The following CACNA1B variants were observed in gnomAD, a reference collection of about 807,000 sequenced individuals.
The protein encoded by CACNA1B is voltage-dependent N-type calcium channel subunit alpha-1B.
In CACNA1B, 70 loss-of-function variants were observed where a neutral mutation model predicts 247.2. The observed-to-expected ratio is 0.28, with a 90% CI of 0.23 to 0.35. The LOEUF (loss-of-function observed/expected upper bound fraction) is 0.35. CACNA1B is among the 10% of genes least tolerant of loss of function. The pLI is 1.00. For synonymous variants in CACNA1B, 1,231 were observed against 1,294.4 expected (o/e 0.95, Z 1.05); for missense variants, 2,367 against 3,197.4 (o/e 0.74, Z 6.26).
chr9:138,012,609 G>A lies in CACNA1B; in HGVS notation c.2161-520G>A, dbSNP rs1470456646. On this transcript the variant is annotated intron_variant, in intron 17 of 46. Coordinates refer to ENST00000371372, the MANE Select transcript of CACNA1B (RefSeq NM_000718.4). This position sits in a 1 kb window ranked among gnomAD's most constrained non-coding sequence, Gnocchi z 4.2. ...CGTGCTTGGAGTCCCAGCTGCATGG[G>A]AGGCTGAGGTTAGAGGATCACTTAA... 6.6e-6 allele frequency among the ~76,000 whole-genome samples: 1 copy of A among 151,994 alleles called. No individual in the cohort carries two copies. The highest frequency in any genetic ancestry group is 1.5e-5 in the Non-Finnish European group (1 of 67,996).
In CACNA1B at chr9:138,059,870, C is replaced by T. The variant is rs1959662638; in HGVS notation, c.4668+133C>T. ...GCAGAACCCCCTGGACATGTGGAGG[C>T]TTCGCTCCAGGGGTGGAGTTTAGGG... is the stretch of plus-strand genomic sequence containing the variant. On this transcript the variant is annotated intron_variant, in intron 31 of 46. Coordinates refer to ENST00000371372, the MANE Select transcript of CACNA1B (RefSeq NM_000718.4). The surrounding 1 kb of genome is among the most constrained non-coding windows in gnomAD (Gnocchi z 4.2). The T allele has an allele frequency of 3.1e-6, 2 of 646,110 alleles. No homozygotes were observed. Among genetic ancestry groups the T allele is most frequent in the Non-Finnish European group, 5.6e-6 (2 of 356,244 alleles). 40.0% of individuals were successfully genotyped at this position (646,110 alleles called of 1,614,324 possible). A position where few individuals can be genotyped will look rare whatever the true frequency, so the allele number is the denominator to read the frequency against.
chr9:137,909,227 T>A (rs1957333737), intron 3 of CACNA1B, among the ~76,000 whole-genome samples: 1 of 152,138 alleles, frequency 6.6e-6, no homozygotes, highest in Admixed American at 6.5e-5. Context: ...TGACCTTAGG[T>A]GATCCACCTG....
intron 36 of CACNA1B, among the ~76,000 whole-genome samples, 176 bp from the exon 37 acceptor site, chr9:138,096,308 G>C (rs978118997): frequency 6.6e-6 from 1 of 152,058 alleles, no homozygotes; most frequent in Non-Finnish European, 1.5e-5. Context: ...CCAGAACCCC[G>C]TGAAGGCAGG....
Position 137,914,543 on chromosome 9 carries a change from T to C in CACNA1B, c.623-111T>C. ...CTTTGCCCTTGCAAGCACTCACTGC[T>C]TAGCACCTTGCTGTCCCTGCTAGGT... is the stretch of plus-strand genomic sequence containing the variant. On this transcript the variant is annotated intron_variant, in intron 4 of 46. Transcript: ENST00000371372. The surrounding 1 kb of genome is among the most constrained non-coding windows in gnomAD (Gnocchi z 4.3). The C allele has an allele frequency of 1.1e-6, 1 of 875,802 alleles. No individual in the cohort carries two copies. The highest frequency in any genetic ancestry group is 2.3e-5 in the Admixed American group (1 of 44,282). 54.3% of individuals were successfully genotyped at this position (875,802 alleles called of 1,614,324 possible). A position where few individuals can be genotyped will look rare whatever the true frequency, so the allele number is the denominator to read the frequency against.
chr9:138,057,713 C>A lies in CACNA1B; in HGVS notation c.3969-19C>A. 1 of 1,597,846 alleles carries A rather than the reference C, an allele frequency of 6.3e-7. No individual in the cohort carries two copies. Among genetic ancestry groups the A allele is most frequent in the Non-Finnish European group, 8.6e-7 (1 of 1,167,204 alleles). ...ATCTTTTGTCTTTGCCCTCTAACCTCCCATGTTCTCATTCCTAGGGGTCAG... is the reference window on the plus strand; with the variant it reads ...ATCTTTTGTCTTTGCCCTCTAACCTACCATGTTCTCATTCCTAGGGGTCAG... On this transcript the variant is annotated intron_variant, in intron 26 of 46. Coordinates refer to ENST00000371372, the MANE Select transcript of CACNA1B (RefSeq NM_000718.4). The surrounding 1 kb of genome is among the most constrained non-coding windows in gnomAD (Gnocchi z 4.0).
chr9:137,970,751 G>A (rs1038968421), intron 10 of CACNA1B, among the ~76,000 whole-genome samples: 5 of 152,220 alleles, frequency 3.3e-5, no homozygotes, highest in Admixed American at 1.3e-4. Flanking sequence ...ACTGGTGTGC[G>A]TGGACATGGG....
rs561393409 is a variant in CACNA1B, at chr9:138,039,636, T to C, written c.3287-4138T>C. Among the ~76,000 whole-genome samples, 5 of 152,322 alleles carry C rather than the reference T, an allele frequency of 3.3e-5. No individual in the cohort carries two copies. The South Asian group carries it at 1.0e-3, about 32-fold the overall frequency. On this transcript the variant is annotated intron_variant, in intron 20 of 46. Coordinates refer to ENST00000371372, the MANE Select transcript of CACNA1B (RefSeq NM_000718.4). ...TTTTAATTAATCTGTTTGTTTCTGG[T>C]TTCTGCCTTAATTTCTAACTTAAGT...
chr9:138,030,127 G>A (rs1252269471), intron 20 of CACNA1B, among the ~76,000 whole-genome samples: 1 of 152,122 alleles, frequency 6.6e-6, no homozygotes, highest in Non-Finnish European at 1.5e-5. Context: ...AATAGCTGTG[G>A]CAAGAACTGA....
intron 10 of CACNA1B, among the ~76,000 whole-genome samples, chr9:137,970,233 A>T (rs1958130376): frequency 1.3e-5 from 2 of 152,166 alleles, no homozygotes; most frequent in African/African-American, 4.8e-5. Flanking sequence ...CAGGTATTCA[A>T]AGCCCACTGA....
At chr9:137,939,626 C>T (rs920992028) in intron 6 of CACNA1B, among the ~76,000 whole-genome samples, 9 of 151,440 alleles carry the variant, frequency 5.9e-5, no homozygotes, top group South Asian at 4.2e-4. Context: ...GGTGAAACCC[C>T]GTCTCTACCA....
At chr9:137,923,536 C>T (rs1240518077) in intron 6 of CACNA1B, among the ~76,000 whole-genome samples, 2 of 152,170 alleles carry the variant, frequency 1.3e-5, no homozygotes, top group African/African-American at 2.4e-5. Context: ...GGTAGTATTC[C>T]GTGCTATGGC....
Position 138,117,321 on chromosome 9 carries a change from C to CA in CACNA1B, c.5778-623dup, listed in dbSNP as rs1165150507. On this transcript the variant is annotated intron_variant, in intron 42 of 46. Coordinates refer to ENST00000371372, the MANE Select transcript of CACNA1B (RefSeq NM_000718.4). ...CAGAGAAGTAAGGAGGAGCCACCAG[C>CA]AAGGGACCCCTGAGGGAGGAAGCCC... is the stretch of plus-strand genomic sequence containing the variant. Among the ~76,000 whole-genome samples, 4 of 152,084 alleles carry CA rather than the reference C, an allele frequency of 2.6e-5. No individual in the cohort carries two copies. The East Asian group carries it at 7.8e-4, about 29-fold the overall frequency.
At chr9:137,965,451 C>A (rs141455790) in intron 10 of CACNA1B, among the ~76,000 whole-genome samples, 1 of 152,190 alleles carries the variant, frequency 6.6e-6, no homozygotes, top group Non-Finnish European at 1.5e-5. Context: ...GAGGCTGAGG[C>A]CAGAAGATTG....
chr9:137,882,703 G>C lies in CACNA1B; in HGVS notation c.391-41G>C, dbSNP rs374794889. 25 of 1,612,214 alleles carry C rather than the reference G, an allele frequency of 1.6e-5. No individual in the cohort carries two copies. The African/African-American group carries it at 3.3e-4, about 22-fold the overall frequency. On this transcript the variant is annotated intron_variant, in intron 2 of 46. Transcript: ENST00000371372. This position sits in a 1 kb window ranked among gnomAD's most constrained non-coding sequence, Gnocchi z 4.0. ...ACCGTCTCTGCCCGCTACTACACCG[G>C]GTAGGGGCCAGGGGTGACCACTGTT...
At chr9:137,878,264 G>GGGGGCC (rs951305601) in intron 1 of CACNA1B, 47 bp downstream of exon 1, 11 of 1,156,124 alleles carry the variant, frequency 9.5e-6, no homozygotes, top group Non-Finnish European at 1.1e-5. Flanking sequence ...GGACCGGGGT[G>GGGGGCC]GGGGCCGGGG....
intron 3 of CACNA1B, among the ~76,000 whole-genome samples, chr9:137,903,980 C>T (rs1178704483): frequency 6.6e-6 from 1 of 152,206 alleles, no homozygotes; most frequent in East Asian, 1.9e-4. Context: ...AGCTGGGCAG[C>T]GCTTTGTTTG....
Position 137,882,205 on chromosome 9 carries a change from C to G in CACNA1B, c.391-539C>G, listed in dbSNP as rs995716464. On this transcript the variant is annotated intron_variant, in intron 2 of 46. Transcript: ENST00000371372. The surrounding 1 kb of genome is among the most constrained non-coding windows in gnomAD (Gnocchi z 4.0). Reference sequence around the variant, plus strand: ...GAAAGCCTGAGCTGTATCCAGGCAACCTTGTGCAGGTTCCCACCCAGAGGC... The same window carrying G: ...GAAAGCCTGAGCTGTATCCAGGCAAGCTTGTGCAGGTTCCCACCCAGAGGC... Among the ~76,000 whole-genome samples, 2 of 152,198 alleles carry G rather than the reference C, an allele frequency of 1.3e-5. No homozygotes were observed. The highest frequency in any genetic ancestry group is 6.5e-5 in the Admixed American group (1 of 15,292).
At chr9:138,037,259 G>A (rs747434718) in intron 20 of CACNA1B, among the ~76,000 whole-genome samples, 36 of 152,212 alleles carry the variant, frequency 2.4e-4, no homozygotes, top group Admixed American at 8.5e-4. Context: ...ATTGTGGACC[G>A]TGGCCTCTGC....
At position 138,096,543 on chromosome 9, in the gene CACNA1B, T is replaced by C. The variant is rs1212896611; in HGVS notation, c.5154T>C (p.Ser1718=). 9 of 1,612,976 alleles carry C rather than the reference T, an allele frequency of 5.6e-6. No individual in the cohort carries two copies. In the South Asian group the frequency reaches 9.9e-5, roughly 18 times the overall value. Residue 1718 remains serine, a synonymous_variant, in exon 37 of 47, where the codon TCT becomes TCC. Coordinates refer to ENST00000371372, the MANE Select transcript of CACNA1B (RefSeq NM_000718.4). The stretch of plus-strand genomic sequence containing the variant: ...ATTTTGAGTACCTCACGCGGGACTC[T>C]TCCATCCTAGGTCCTCACCACTTGG... The part of the protein sequence containing the change: ...MDNFEYLTRD[S]SILGPHHLDE...
Sources: allele counts gnomAD v4.1 joint callset (sites outside exome capture counted in the v4.1 genomes callset), GRCh38; gene constraint gnomAD v4.1.1; non-coding constraint Gnocchi (gnomAD v3.1); transcripts MANE v1.5; gene names NCBI Gene and HGNC (gene_info 2026-07-23, HGNC 2026-07-21).